HMGCLL1: variants seen among roughly 807,000 people sequenced by gnomAD.
The protein encoded by HMGCLL1 is 3-hydroxy-3-methylglutaryl-CoA lyase like 1.
HMGCLL1 carries 36 observed loss-of-function variants against 39.1 expected under a neutral mutation model. The observed-to-expected ratio is 0.92, with a 90% CI of 0.71 to 1.22. The LOEUF is 1.22. Ranked by LOEUF, HMGCLL1 falls within the 50% of genes most tolerant of loss-of-function variation. The pLI, the probability that HMGCLL1 is intolerant of heterozygous loss-of-function variation, is 0.00. For missense variants in HMGCLL1, 451 were observed against 416.5 expected, an observed-to-expected ratio of 1.08 and a Z score of -0.72; for synonymous variants, 149 against 144.0, an observed-to-expected ratio of 1.03 and a Z score of -0.25.
At chr6:55,535,220 A>G (rs1411715719) in intron 3 of HMGCLL1, among the ~76,000 whole-genome samples, 1 of 152,240 alleles carries the variant, frequency 6.6e-6, no homozygotes, top group African/African-American at 2.4e-5. Flanking sequence ...ACGTGTTTAT[A>G]TAAGTTGAAA....
the HMGCLL1 span, among the ~76,000 whole-genome samples, chr6:55,662,147 G>GCTTC: frequency 6.6e-6 from 1 of 151,590 alleles, no homozygotes; most frequent in Admixed American, 6.6e-5. Context: ...GGATAGTTTG[G>GCTTC]CTTCCTTCCT....
At chr6:55,493,837 G>A (rs763444113) in intron 7 of HMGCLL1, among the ~76,000 whole-genome samples, 1 of 151,704 alleles carries the variant, frequency 6.6e-6, no homozygotes, top group East Asian at 1.9e-4. Context: ...GGTTCACGCC[G>A]TTCTCCTGCC....
chr6:55,562,220 T>A (rs1409126617), intron 1 of HMGCLL1, among the ~76,000 whole-genome samples: 1 of 152,156 alleles, frequency 6.6e-6, no homozygotes, highest in East Asian at 1.9e-4. Context: ...CAAGTTTTTA[T>A]TAATAAGAGA....
chr6:55,625,577 T>A, the HMGCLL1 span, among the ~76,000 whole-genome samples: 1 of 152,110 alleles, frequency 6.6e-6, no homozygotes, highest in Non-Finnish European at 1.5e-5. Flanking sequence ...AGCCCCTTTC[T>A]AGGACATCCC....
At chr6:55,497,410 T>A (rs1214679070) in intron 6 of HMGCLL1, among the ~76,000 whole-genome samples, 1 of 152,166 alleles carries the variant, frequency 6.6e-6, no homozygotes, top group Non-Finnish European at 1.5e-5. Context: ...TGACACACAA[T>A]CTGGCACATG....
intron 3 of HMGCLL1, among the ~76,000 whole-genome samples, chr6:55,541,495 T>G (rs950547807): frequency 6.6e-6 from 1 of 152,170 alleles, no homozygotes; most frequent in Non-Finnish European, 1.5e-5. Flanking sequence ...TTCAACGGCC[T>G]TGTCCCCTAT....
rs888096115 is a variant in HMGCLL1, at chr6:55,532,264, G to C, written c.297+9465C>G. 3.0e-4 allele frequency among the ~76,000 whole-genome samples: 45 copies of C among 152,078 alleles called. 1 individual carries two copies. Among genetic ancestry groups the C allele is most frequent in the African/African-American group, 1.1e-3 (44 of 41,478 alleles). Reference sequence around the variant, plus strand: ...GAGTATAATACTTTTTAGCTAGTGGGGGTAAAAAGGACAAAAATGCTTGAA... The same window carrying C: ...GAGTATAATACTTTTTAGCTAGTGGCGGTAAAAAGGACAAAAATGCTTGAA... On this transcript the variant is annotated intron_variant, in intron 3 of 8. Coordinates refer to ENST00000274901, the MANE Select transcript of HMGCLL1 (RefSeq NM_001042406.2).
intron 8 of HMGCLL1, among the ~76,000 whole-genome samples, chr6:55,438,949 T>A (rs908242708): frequency 1.3e-5 from 2 of 152,060 alleles, no homozygotes; most frequent in Admixed American, 1.3e-4. Flanking sequence ...ATTCTTGCCA[T>A]CCAGTGTCTC....
intron 7 of HMGCLL1, among the ~76,000 whole-genome samples, chr6:55,490,036 TG>T (rs781480405): frequency 3.9e-5 from 6 of 152,200 alleles, no homozygotes; most frequent in Non-Finnish European, 7.4e-5. Context: ...CTTGGCCCCA[TG>T]GAAAGTGAAA....
intron 6 of HMGCLL1, among the ~76,000 whole-genome samples, chr6:55,497,985 G>A (rs1030724967): frequency 2.6e-5 from 4 of 152,138 alleles, no homozygotes; most frequent in African/African-American, 9.7e-5. Context: ...AGAGAAGAGA[G>A]TGAGTTAAGC....
At chr6:55,598,322 A>C in the HMGCLL1 span, among the ~76,000 whole-genome samples, 2 of 152,168 alleles carry the variant, frequency 1.3e-5, no homozygotes, top group African/African-American at 4.8e-5. Context: ...TTACAAAAAA[A>C]ATTAGAGAGC....
At chr6:55,628,959 A>T in the HMGCLL1 span, among the ~76,000 whole-genome samples, 4 of 152,144 alleles carry the variant, frequency 2.6e-5, no homozygotes, top group Non-Finnish European at 5.9e-5. Context: ...GTTCAGTCTC[A>T]GGTATGTATT....
At chr6:55,538,326 T>G (rs941838105) in intron 3 of HMGCLL1, among the ~76,000 whole-genome samples, 2 of 152,190 alleles carry the variant, frequency 1.3e-5, no homozygotes, top group Non-Finnish European at 1.5e-5. Context: ...ATCTATTATC[T>G]TTCCTAACAC....
At chr6:55,647,773 T>C in the HMGCLL1 span, among the ~76,000 whole-genome samples, 3 of 135,536 alleles carry the variant, frequency 2.2e-5, no homozygotes, top group Non-Finnish European at 4.7e-5. Flanking sequence ...TATTTTATTT[T>C]TTTTTTTTAT....
chr6:55,437,325 C>T (rs1379022972), intron 8 of HMGCLL1, among the ~76,000 whole-genome samples: 1 of 151,724 alleles, frequency 6.6e-6, no homozygotes, highest in East Asian at 1.9e-4. Flanking sequence ...TGTGGACTCA[C>T]AACAGAAAAT....
intron 7 of HMGCLL1, among the ~76,000 whole-genome samples, chr6:55,480,278 G>GA (rs1166983123): frequency 6.6e-6 from 1 of 151,324 alleles, no homozygotes; most frequent in Admixed American, 6.6e-5. Context: ...AACTCTATAG[G>GA]AAAAATCTAA....
At chr6:55,619,034 T>C in the HMGCLL1 span, among the ~76,000 whole-genome samples, 1 of 151,974 alleles carries the variant, frequency 6.6e-6, no homozygotes, top group Non-Finnish European at 1.5e-5. Context: ...AAACACGGAT[T>C]TCAGGAAACA....
chr6:55,629,756 G>A, the HMGCLL1 span, among the ~76,000 whole-genome samples: 1 of 152,108 alleles, frequency 6.6e-6, no homozygotes, highest in African/African-American at 2.4e-5. Flanking sequence ...GACCAACATA[G>A]AGCTCAGGCC....
chr6:55,458,698 T>C (rs769149113), intron 7 of HMGCLL1, among the ~76,000 whole-genome samples: 3 of 152,204 alleles, frequency 2.0e-5, no homozygotes, highest in Non-Finnish European at 4.4e-5. Flanking sequence ...AAGTATTTAC[T>C]AATCAAGTCA....
Sources: gnomAD v4.1 joint callset for allele counts (sites outside exome capture counted in the v4.1 genomes callset) on GRCh38, gnomAD v4.1.1 for gene constraint, MANE v1.5 for transcripts, NCBI Gene and HGNC (gene_info 2026-07-23, HGNC 2026-07-21) for gene names.